Variants in YEATS2 observed in about 807,000 individuals in gnomAD.
The protein encoded by YEATS2 is YEATS domain containing 2, also known as YEATS domain-containing protein 2.
Under a neutral mutation model 163.2 loss-of-function variants are expected in YEATS2, and 77 were observed. The ratio of observed to expected loss-of-function variants is 0.47; its 90% confidence interval spans 0.39 to 0.57. YEATS2 has a LOEUF of 0.57. YEATS2 is among the 20% of genes least tolerant of loss of function. The pLI, the probability that YEATS2 is intolerant of heterozygous loss-of-function variation, is 0.00. For missense variants in YEATS2, 1,549 were observed against 1,729.8 expected, an observed-to-expected ratio of 0.90 and a Z score of 1.85; for synonymous variants, 631 against 645.1, an observed-to-expected ratio of 0.98 and a Z score of 0.33.
intron 21 of YEATS2, among the ~76,000 whole-genome samples, chr3:183,796,983 T>C (rs756347506): frequency 5.9e-5 from 9 of 152,036 alleles, no homozygotes; most frequent in Admixed American, 4.6e-4. Flanking sequence ...ATAATCCCAG[T>C]GCTGGCCAGG....
chr3:183,770,345 C>T (rs1247322971), intron 15 of YEATS2, among the ~76,000 whole-genome samples: 3 of 151,954 alleles, frequency 2.0e-5, no homozygotes, highest in Non-Finnish European at 4.4e-5. Flanking sequence ...GATTGCGCCA[C>T]TTCCTGGGTG....
chr3:183,791,571 C>T (rs1262811266), intron 21 of YEATS2, among the ~76,000 whole-genome samples: 1 of 152,114 alleles, frequency 6.6e-6, no homozygotes, highest in Non-Finnish European at 1.5e-5. Flanking sequence ...TTTTTTATAA[C>T]GTAATTTTGG....
chr3:183,717,875 TTTTA>T, intron 3 of YEATS2, 127 bp downstream of exon 3: 1 of 460,792 alleles, frequency 2.2e-6, no homozygotes, highest in Non-Finnish European at 3.6e-6. Flanking sequence ...TTTTTTTTTT[TTTTA>T]AATAGCTTTC....
At position 183,728,949 on chromosome 3, in the gene YEATS2, A is replaced by C. The variant is rs182120403; in HGVS notation, c.812+98A>C. The stretch of plus-strand genomic sequence containing the variant: ...ACTTCAAAACATTTCCTGGAAATGC[A>C]GTAGTAATTGAGAATTGGCTCTTAG... On this transcript the variant is annotated intron_variant, in intron 7 of 30. Transcript: ENST00000305135. 3.0e-6 allele frequency: 4 copies of C among 1,316,950 alleles called. No individual in the cohort carries two copies. The African/African-American group carries it at 4.4e-5, about 14-fold the overall frequency. The allele number at this position is 1,316,950 out of a possible 1,614,324, so 81.6% of individuals were successfully genotyped here.
At chr3:183,730,265 A>T (rs980996650) in intron 7 of YEATS2, among the ~76,000 whole-genome samples, 14 of 151,060 alleles carry the variant, frequency 9.3e-5, no homozygotes, top group Non-Finnish European at 1.9e-4. Flanking sequence ...GGGTTTTGCC[A>T]TGTTGGCCAG....
intron 8 of YEATS2, among the ~76,000 whole-genome samples, chr3:183,744,279 A>ATT (rs534205727): frequency 6.7e-6 from 1 of 150,212 alleles, no homozygotes; most frequent in African/African-American, 2.4e-5. Flanking sequence ...CGCACGGCTA[A>ATT]TTTTTTTTTG....
At chr3:183,700,557 G>A (rs1424424753) in intron 1 of YEATS2, among the ~76,000 whole-genome samples, 6 of 151,380 alleles carry the variant, frequency 4.0e-5, no homozygotes, top group African/African-American at 1.5e-4. Flanking sequence ...CAGAAAACAA[G>A]ACTTGTGAAG....
chr3:183,767,470 T>C (rs568218535), intron 15 of YEATS2, among the ~76,000 whole-genome samples: 15 of 152,010 alleles, frequency 9.9e-5, no homozygotes, highest in African/African-American at 3.1e-4. Context: ...AACCTCCGCC[T>C]CTTGGGTTCA....
Position 183,706,826 on chromosome 3 carries a change from A to G in YEATS2, c.-19-8318A>G, listed in dbSNP as rs564509778. On this transcript the variant is annotated intron_variant, in intron 1 of 30. Transcript: ENST00000305135. ...AGCGAAACTCTGTCTCAAAAAAAAAAAAGTTAGGTGGAGCATTGGTAATCC... is the reference window on the plus strand; with the variant it reads ...AGCGAAACTCTGTCTCAAAAAAAAAGAAGTTAGGTGGAGCATTGGTAATCC... Among the ~76,000 whole-genome samples, 5 of 152,346 alleles carry G rather than the reference A, an allele frequency of 3.3e-5. No homozygotes were observed. In the South Asian group the frequency reaches 1.0e-3, roughly 32 times the overall value.
chr3:183,776,806 G>C (rs1428440148), intron 18 of YEATS2, among the ~76,000 whole-genome samples: 3 of 152,058 alleles, frequency 2.0e-5, no homozygotes, highest in African/African-American at 7.2e-5. Flanking sequence ...ACAAAAATCA[G>C]TCGGGTGTGG....
chr3:183,728,856 G>A lies in YEATS2; in HGVS notation c.812+5G>A. 1 of 1,606,536 alleles carries A rather than the reference G, an allele frequency of 6.2e-7. No individual in the cohort carries two copies. The highest frequency in any genetic ancestry group is 2.2e-5 in the East Asian group (1 of 44,834). Reference sequence around the variant, plus strand: ...AAATGACCTTGTGGAAGTTAGGTAAGCACGCTTGAGGTATTTAACCTAAAT... The same window carrying A: ...AAATGACCTTGTGGAAGTTAGGTAAACACGCTTGAGGTATTTAACCTAAAT... On this transcript the variant is annotated splice_donor_5th_base_variant and intron_variant, in intron 7 of 30. Transcript: ENST00000305135.
chr3:183,701,799 C>A (rs1030123207), intron 1 of YEATS2, among the ~76,000 whole-genome samples: 1 of 152,144 alleles, frequency 6.6e-6, no homozygotes, highest in African/African-American at 2.4e-5. Context: ...TAACAATCGC[C>A]AGTAGAAGCA....
At chr3:183,702,437 A>G (rs368716524) in intron 1 of YEATS2, among the ~76,000 whole-genome samples, 11 of 149,718 alleles carry the variant, frequency 7.3e-5, no homozygotes, top group Admixed American at 2.7e-4. Context: ...ATAGTGAGAC[A>G]CTGTCTCAAA....
chr3:183,762,698 C>G (rs1560285109), intron 15 of YEATS2, among the ~76,000 whole-genome samples: 1 of 143,664 alleles, frequency 7.0e-6, no homozygotes, highest in South Asian at 2.2e-4. Context: ...CTGTAGAGTT[C>G]TTTTTTTTTT....
intron 1 of YEATS2, among the ~76,000 whole-genome samples, chr3:183,698,194 G>A (rs1196271478): frequency 6.6e-6 from 1 of 152,178 alleles, no homozygotes; most frequent in East Asian, 1.9e-4. Context: ...GCAGAAGCGG[G>A]AGCCTGGAAT....
chr3:183,726,734 T>G (rs907828381), intron 6 of YEATS2, among the ~76,000 whole-genome samples: 1 of 152,174 alleles, frequency 6.6e-6, no homozygotes, highest in Non-Finnish European at 1.5e-5. Flanking sequence ...CATTTTCTAT[T>G]TTCGTATATT....
intron 8 of YEATS2, among the ~76,000 whole-genome samples, chr3:183,744,857 G>GT: frequency 1.3e-5 from 2 of 149,124 alleles, no homozygotes; most frequent in Non-Finnish European, 3.0e-5. Flanking sequence ...CTTTTTTTTT[G>GT]TTTTTTGTTT....
chr3:183,773,244 G>GA (rs1227373366), intron 16 of YEATS2, among the ~76,000 whole-genome samples: 1 of 152,100 alleles, frequency 6.6e-6, no homozygotes, highest in Non-Finnish European at 1.5e-5. Flanking sequence ...ACAAATGGGG[G>GA]AAAATATGTA....
intron 1 of YEATS2, among the ~76,000 whole-genome samples, chr3:183,704,341 T>C (rs1714406633): frequency 6.6e-6 from 1 of 152,044 alleles, no homozygotes; most frequent in Non-Finnish European, 1.5e-5. Context: ...CTGGATTGGA[T>C]TTGTATGTGT....
Sources: gnomAD v4.1 joint callset for allele counts (sites outside exome capture counted in the v4.1 genomes callset) on GRCh38, gnomAD v4.1.1 for gene constraint, MANE v1.5 for transcripts, NCBI Gene and HGNC (gene_info 2026-07-23, HGNC 2026-07-21) for gene names.